Variants in RHOBTB1 observed in about 807,000 individuals in gnomAD.
RHOBTB1 encodes rho-related BTB domain-containing protein 1.
RHOBTB1 carries 40 observed loss-of-function variants against 71.6 expected under a neutral mutation model. The ratio of observed to expected loss-of-function variants is 0.56; its 90% CI spans 0.43 to 0.73. RHOBTB1 has a LOEUF of 0.73. Ranked by LOEUF, RHOBTB1 falls within the 30% of genes least tolerant of loss-of-function variation. The pLI is 0.00. For synonymous variants in RHOBTB1, 319 were observed against 334.9 expected, an observed-to-expected ratio of 0.95 and a Z score of 0.52; for missense variants, 797 against 894.0, an observed-to-expected ratio of 0.89 and a Z score of 1.38.
intron 2 of RHOBTB1, among the ~76,000 whole-genome samples, chr10:60,961,812 T>A (rs1168336692): frequency 4.6e-5 from 1 of 21,606 alleles, no homozygotes; most frequent in African/African-American, 8.4e-4. Context: ...CCTTTTTTTG[T>A]TTTTTTTTTT....
intron 4 of RHOBTB1, among the ~76,000 whole-genome samples, chr10:60,896,570 T>C (rs1175406905): frequency 3.3e-5 from 5 of 152,216 alleles, no homozygotes; most frequent in African/African-American, 7.2e-5. Context: ...GGAATGTTTA[T>C]TGTACTTACT....
intron 4 of RHOBTB1, among the ~76,000 whole-genome samples, chr10:60,893,865 T>TAG (rs2082039682): frequency 6.6e-6 from 1 of 152,320 alleles, no homozygotes; most frequent in East Asian, 1.9e-4. Flanking sequence ...CTAAAAGGAA[T>TAG]CTTTCATAGG....
chr10:60,908,266 C>T (rs149927618), intron 4 of RHOBTB1, among the ~76,000 whole-genome samples: 25 of 152,278 alleles, frequency 1.6e-4, no homozygotes, highest in Non-Finnish European at 3.1e-4. Context: ...CAGAGGAAAC[C>T]GAAGGCAAGG....
intron 2 of RHOBTB1, among the ~76,000 whole-genome samples, chr10:60,984,595 G>A (rs2086602682): frequency 1.3e-5 from 2 of 152,166 alleles, no homozygotes; most frequent in Admixed American, 1.3e-4. Context: ...GACTAATAGT[G>A]TAAATAGGAT....
At chr10:60,900,284 G>A (rs562834734) in intron 4 of RHOBTB1, among the ~76,000 whole-genome samples, 20 of 152,116 alleles carry the variant, frequency 1.3e-4, no homozygotes, top group East Asian at 3.9e-4. Context: ...TAAGAATTCC[G>A]AGAGAGAGGA....
chr10:60,988,718 A>G (rs192170782), intron 1 of RHOBTB1, among the ~76,000 whole-genome samples: 2 of 152,256 alleles, frequency 1.3e-5, no homozygotes, highest in East Asian at 3.9e-4. Flanking sequence ...ATGGGCACCT[A>G]GGTTGATTCC....
At chr10:60,872,134 T>G in intron 10 of RHOBTB1, 51 bp downstream of exon 10, 1 of 1,333,024 alleles carries the variant, frequency 7.5e-7, no homozygotes, top group South Asian at 1.2e-5. Flanking sequence ...GATAAAAGCT[T>G]CCATGAGAGG....
intron 2 of RHOBTB1, among the ~76,000 whole-genome samples, chr10:60,926,236 A>G (rs1015356975): frequency 1.3e-5 from 2 of 152,122 alleles, no homozygotes; most frequent in African/African-American, 2.4e-5. Flanking sequence ...CACTCTGTCC[A>G]AAATAAATAA....
intron 7 of RHOBTB1, among the ~76,000 whole-genome samples, chr10:60,881,047 T>G (rs897861238): frequency 2.6e-5 from 4 of 152,232 alleles, no homozygotes; most frequent in African/African-American, 9.6e-5. Context: ...TGATGGGAGA[T>G]ATTCATGGGG....
chr10:60,862,563 T>C, the RHOBTB1 span, among the ~76,000 whole-genome samples: 1 of 151,880 alleles, frequency 6.6e-6, no homozygotes, highest in South Asian at 2.1e-4. Context: ...TCCTTTCTTC[T>C]TTCTTTCTTT....
At chr10:60,908,709 A>G (rs375903386) in intron 4 of RHOBTB1, among the ~76,000 whole-genome samples, 14 of 152,320 alleles carry the variant, frequency 9.2e-5, no homozygotes, top group South Asian at 6.2e-4. Context: ...GTGATATTAC[A>G]TATTTAGCAT....
intron 2 of RHOBTB1, among the ~76,000 whole-genome samples, chr10:60,950,693 T>G (rs1158907735): frequency 6.6e-6 from 1 of 152,214 alleles, no homozygotes; most frequent in Non-Finnish European, 1.5e-5. Flanking sequence ...GAAAATGTTT[T>G]GTAAGATGTA....
At chr10:61,001,320 C>T (rs867188794) in intron 1 of RHOBTB1, 1 of 151,974 alleles carries the variant, frequency 6.6e-6, no homozygotes. Flanking sequence ...CAGAGAGACC[C>T]CCCATAATCC....
At chr10:61,001,429 C>G (rs1440871716) in exon 1 of RHOBTB1, 1 of 151,674 alleles carries the variant, frequency 6.6e-6, no homozygotes, top group African/African-American at 2.4e-5. Flanking sequence ...CGCGGCGGCT[C>G]TGGGTCCCGC....
intron 4 of RHOBTB1, among the ~76,000 whole-genome samples, chr10:60,908,983 G>A (rs189455347): frequency 2.6e-4 from 40 of 152,292 alleles, no homozygotes; most frequent in African/African-American, 8.7e-4. Flanking sequence ...GGGATAATGG[G>A]TTACAGTTGA....
chr10:60,944,684 C>T (rs1276528164), upstream of RHOBTB1, among the ~76,000 whole-genome samples: 4 of 152,314 alleles, frequency 2.6e-5, no homozygotes, highest in East Asian at 7.8e-4. Context: ...CCCCTAGGAG[C>T]TGACCGGCCG....
At chr10:60,886,794 T>C (rs992720772) in intron 6 of RHOBTB1, among the ~76,000 whole-genome samples, 7 of 151,898 alleles carry the variant, frequency 4.6e-5, no homozygotes, top group Non-Finnish European at 4.4e-5. Context: ...TGTCTCAGTC[T>C]CTGAAGTAGC....
chr10:60,874,937 A>G lies in RHOBTB1; in HGVS notation c.1815+17T>C. On this transcript the variant is annotated intron_variant, in intron 9 of 10. Transcript: ENST00000337910. Reference sequence around the variant, plus strand: ...GATTGAACACACTTAAAAGGTAAAAAGCAAACTGTTACAAACCTGAGCCAA... The same window carrying G: ...GATTGAACACACTTAAAAGGTAAAAGGCAAACTGTTACAAACCTGAGCCAA... 6.3e-7 allele frequency: 1 copy of G among 1,576,236 alleles called. No homozygotes were observed. Among genetic ancestry groups the G allele is most frequent in the Non-Finnish European group, 8.7e-7 (1 of 1,145,478 alleles).
intron 2 of RHOBTB1, among the ~76,000 whole-genome samples, chr10:60,912,529 A>T (rs945774211): frequency 6.6e-6 from 1 of 152,208 alleles, no homozygotes; most frequent in Non-Finnish European, 1.5e-5. Context: ...CACCATGCCT[A>T]GCCTTAAAAA....
Sources: gnomAD v4.1 joint callset for allele counts (sites outside exome capture counted in the v4.1 genomes callset) on GRCh38, gnomAD v4.1.1 for gene constraint, MANE v1.5 for transcripts, NCBI Gene and HGNC (gene_info 2026-07-23, HGNC 2026-07-21) for gene names.